Variants in RAB3GAP1 observed in about 807,000 individuals in gnomAD.
RAB3GAP1 encodes the protein RAB3 GTPase activating protein catalytic subunit 1.
RAB3GAP1 carries 86 observed loss-of-function variants against 130.7 expected under a neutral mutation model. The ratio of observed to expected loss-of-function variants is 0.66; its 90% CI spans 0.55 to 0.79. The LOEUF is 0.79. RAB3GAP1 is among the 30% of genes least tolerant of loss of function. The probability of loss-of-function intolerance (pLI) is 0.00; values close to 1 mark genes in which losing one functional copy is unlikely to be tolerated. For missense variants in RAB3GAP1, 1,029 were observed against 1,169.4 expected, an observed-to-expected ratio of 0.88 and a Z score of 1.75; for synonymous variants, 367 against 401.7, an observed-to-expected ratio of 0.91 and a Z score of 1.03.
chr2:135,068,293 T>C (rs1365729621), intron 3 of RAB3GAP1, among the ~76,000 whole-genome samples: 1 of 152,154 alleles, frequency 6.6e-6, no homozygotes, highest in Non-Finnish European at 1.5e-5. Flanking sequence ...TATTTCCTAA[T>C]TCTTTTATAT....
rs987488927 is a variant in RAB3GAP1 at position 135,062,384 on chromosome 2, A to G, written c.150+4298A>G. Among the ~76,000 whole-genome samples, 21 of 152,248 alleles carry G rather than the reference A, an allele frequency of 1.4e-4. No individual in the cohort carries two copies. In the Middle Eastern group the frequency reaches 9.5e-3, roughly 69 times the overall value. ...TTCCAGTTGTGACAACCAAAATTGT[A>G]TCCAGATATTGCCAAATGCCCGCTG... is the stretch of plus-strand genomic sequence containing the variant. On this transcript the variant is annotated intron_variant, in intron 3 of 23. Coordinates refer to ENST00000264158, the MANE Select transcript of RAB3GAP1 (RefSeq NM_012233.3).
intron 7 of RAB3GAP1, among the ~76,000 whole-genome samples, chr2:135,116,796 T>C (rs1277079161): frequency 6.6e-6 from 1 of 152,194 alleles, no homozygotes; most frequent in Non-Finnish European, 1.5e-5. Flanking sequence ...GTGTTAATAA[T>C]TATGAACTCC....
downstream of RAB3GAP1, among the ~76,000 whole-genome samples, chr2:135,171,731 C>G (rs976016094): frequency 2.6e-5 from 4 of 152,158 alleles, no homozygotes; most frequent in African/African-American, 9.7e-5. Flanking sequence ...CGTGGAAGAC[C>G]TGGTGCTCAG....
intron 19 of RAB3GAP1, among the ~76,000 whole-genome samples, chr2:135,160,695 A>G (rs1365548683): frequency 6.6e-6 from 1 of 151,140 alleles, no homozygotes; most frequent in Non-Finnish European, 1.5e-5. Context: ...AAAAAAAAAA[A>G]AAAAAGACAC....
chr2:135,094,005 G>A (rs1045635706), intron 5 of RAB3GAP1, among the ~76,000 whole-genome samples: 3 of 152,192 alleles, frequency 2.0e-5, no homozygotes, highest in African/African-American at 7.2e-5. Context: ...TAGAGGCTCA[G>A]CGCCCCAGGT....
In RAB3GAP1 at chr2:135,124,168, T is replaced by A. The variant is rs777989361; in HGVS notation, c.752T>A (p.Ile251Lys). ...GAAAAATATTTCTTTTGTTTAGACA[T>A]AGATGCCCTTGTAGGAGGAGAAGTT... Reference protein sequence around the residue: ...QYFWPQQPPDIDALVGGEVGG... With the variant: ...QYFWPQQPPDKDALVGGEVGG... Residue 251 changes from isoleucine (I) to lysine (K), a missense_variant, in exon 9 of 24, where the codon ATA (isoleucine) becomes AAA (lysine). Physicochemically the swap from Ile to Lys is moderately radical, Grantham distance 102. Around this residue, in one of 3 missense-constraint regions of RAB3GAP1, gnomAD observed 510 missense variants for 532.1 expected, o/e 0.96. Transcript: ENST00000264158. The A allele has an allele frequency of 6.2e-7, 1 of 1,613,764 alleles. No individual in the cohort carries two copies. Among genetic ancestry groups the A allele is most frequent in the Non-Finnish European group, 8.5e-7 (1 of 1,179,662 alleles).
intron 5 of RAB3GAP1, among the ~76,000 whole-genome samples, chr2:135,107,704 A>G (rs1690669013): frequency 6.6e-6 from 1 of 152,160 alleles, no homozygotes; most frequent in African/African-American, 2.4e-5. Context: ...AGTAAGTGGT[A>G]TGGCTGGGTG....
At chr2:135,172,379 G>C (rs1377691983), downstream of RAB3GAP1, among the ~76,000 whole-genome samples, 1 of 151,438 alleles carries the variant, frequency 6.6e-6, no homozygotes, top group Non-Finnish European at 1.5e-5. Context: ...AGGTTGCAGT[G>C]AGCCAAGATC....
At chr2:135,084,283 C>T (rs967740000) in intron 3 of RAB3GAP1, among the ~76,000 whole-genome samples, 6 of 152,138 alleles carry the variant, frequency 3.9e-5, no homozygotes, top group African/African-American at 1.4e-4. Flanking sequence ...GTTGTCTTCT[C>T]CTTATCCAGT....
At chr2:135,081,841 GTAAATTATTT>G (rs1375568626) in intron 3 of RAB3GAP1, among the ~76,000 whole-genome samples, 2 of 152,066 alleles carry the variant, frequency 1.3e-5, no homozygotes, top group Non-Finnish European at 2.9e-5. Flanking sequence ...TCTTCTCAGT[GTAAATTATTT>G]TTAATTGGGC....
chr2:135,127,678 C>G (rs868564172), intron 11 of RAB3GAP1, among the ~76,000 whole-genome samples: 1 of 152,070 alleles, frequency 6.6e-6, no homozygotes, highest in South Asian at 2.1e-4. Flanking sequence ...CTTTAGAGCC[C>G]TTCTATAGAG....
In RAB3GAP1 at chr2:135,162,586, C is replaced by G; in HGVS notation, c.2321C>G (p.Ala774Gly). The G allele has an allele frequency of 6.2e-7, 1 of 1,614,040 alleles. No individual in the cohort carries two copies. Among genetic ancestry groups the G allele is most frequent in the Non-Finnish European group, 8.5e-7 (1 of 1,179,984 alleles). ...VLHYLAIQKPADLARHLLPCV... is the reference protein window; with the variant it reads ...VLHYLAIQKPGDLARHLLPCV... ...CACTATCTGGCAATCCAGAAACCTG[C>G]AGACCTTGCTCGGCACCTGTTACCT... is the stretch of plus-strand genomic sequence containing the variant. The change falls in exon 20 of 24, where the codon GCA (alanine) becomes GGA (glycine). Residue 774 changes from alanine (A) to glycine (G), a missense_variant. Ala to Gly is a moderately conservative substitution (Grantham distance 60). Transcript: ENST00000264158.
intron 3 of RAB3GAP1, among the ~76,000 whole-genome samples, chr2:135,076,500 C>T (rs1356574067): frequency 6.6e-6 from 1 of 152,074 alleles, no homozygotes; most frequent in African/African-American, 2.4e-5. Context: ...TTTTTGATGG[C>T]ATGTTAGATA....
intron 3 of RAB3GAP1, among the ~76,000 whole-genome samples, chr2:135,078,549 C>T (rs1267160990): frequency 6.6e-6 from 1 of 151,640 alleles, no homozygotes; most frequent in Non-Finnish European, 1.5e-5. Flanking sequence ...TTCCTATATA[C>T]ATATCATTTT....
downstream of RAB3GAP1, among the ~76,000 whole-genome samples, chr2:135,173,217 C>G (rs1692906881): frequency 6.6e-6 from 1 of 151,776 alleles, no homozygotes; most frequent in Admixed American, 6.6e-5. Flanking sequence ...AAGTTTGGAG[C>G]TTAAGGAAAG....
chr2:135,069,691 G>A (rs886702564), intron 3 of RAB3GAP1, among the ~76,000 whole-genome samples: 1 of 151,920 alleles, frequency 6.6e-6, no homozygotes, highest in Non-Finnish European at 1.5e-5. Flanking sequence ...CTTTTTGTTC[G>A]TTTTATTCAT....
intron 18 of RAB3GAP1, 112 bp from the exon 19 acceptor site, chr2:135,153,537 T>C (rs1692229361): frequency 3.2e-6 from 3 of 947,826 alleles, no homozygotes; most frequent in Non-Finnish European, 5.1e-6. Context: ...ATTTTACATA[T>C]TAGATTGTAA....
At chr2:135,122,124 A>G (rs552866502) in intron 8 of RAB3GAP1, among the ~76,000 whole-genome samples, 1 of 152,238 alleles carries the variant, frequency 6.6e-6, no homozygotes, top group African/African-American at 2.4e-5. Flanking sequence ...AATGTAATAT[A>G]TCCTTAGCTT....
chr2:135,125,917 G>A (rs554693733), intron 9 of RAB3GAP1, among the ~76,000 whole-genome samples: 7 of 152,274 alleles, frequency 4.6e-5, no homozygotes, highest in Admixed American at 1.3e-4. Flanking sequence ...CCATTGTATG[G>A]ATATGCCACA....
Sources: allele counts gnomAD v4.1 joint callset (sites outside exome capture counted in the v4.1 genomes callset), GRCh38; gene constraint gnomAD v4.1.1; regional missense constraint gnomAD v4.1.1; transcripts MANE v1.5; gene names NCBI Gene and HGNC (gene_info 2026-07-23, HGNC 2026-07-21).